CD84: variants seen among roughly 807,000 people sequenced by gnomAD.
The protein encoded by CD84 is CD84 molecule, also known as SLAM family member 5.
A neutral mutation model predicts 33.8 loss-of-function variants in CD84; 22 were observed. The observed-to-expected ratio is 0.65, with a 90% CI of 0.46 to 0.93. The LOEUF is 0.93. CD84 is among the 40% of genes least tolerant of loss of function. CD84 has a pLI of 0.00. For missense variants in CD84, 400 were observed against 397.6 expected, an observed-to-expected ratio of 1.01 and a Z score of -0.05; for synonymous variants, 154 against 145.2, an observed-to-expected ratio of 1.06 and a Z score of -0.44.
At position 160,557,104 on chromosome 1, in the gene CD84, G is replaced by A. The variant is rs376482874; in HGVS notation, c.389-2958C>T. Among the ~76,000 whole-genome samples the A allele has an allele frequency of 6.6e-5, 10 of 152,232 alleles. No homozygotes were observed. The East Asian group carries it at 7.7e-4, about 12-fold the overall frequency. ...TTTAAGGCAGGCACTATACTAGGGA[G>A]CTCAACTACCATTATCTCATTTAAT... On this transcript the variant is annotated intron_variant, in intron 2 of 6. Coordinates refer to ENST00000368054, the MANE Select transcript of CD84 (RefSeq NM_003874.4).
At chr1:160,550,652 G>A in intron 5 of CD84, 2 of 985,336 alleles carry the variant, frequency 2.0e-6, no homozygotes, top group Non-Finnish European at 1.2e-6. Context: ...CCTCTAGGGG[G>A]CGCCTTGCTC....
intron 1 of CD84, among the ~76,000 whole-genome samples, chr1:160,569,081 A>G (rs537713560): frequency 1.3e-5 from 2 of 152,314 alleles, no homozygotes; most frequent in African/African-American, 4.8e-5. Flanking sequence ...CATTCATCGT[A>G]TGTTCTTTAT....
chr1:160,577,287 T>C (rs74124877), intron 1 of CD84, among the ~76,000 whole-genome samples: 1,696 of 152,214 alleles, frequency 0.011, 43 homozygotes, highest in African/African-American at 0.038. Context: ...GTGTAAAGTG[T>C]AGACTCCTAA....
chr1:160,560,486 G>T (rs1004037781), intron 2 of CD84, among the ~76,000 whole-genome samples: 60 of 152,068 alleles, frequency 3.9e-4, no homozygotes, highest in African/African-American at 1.4e-3. Context: ...TGCAAGGCAG[G>T]CTAAAGGATT....
chr1:160,559,802 G>C (rs374843843), intron 2 of CD84, among the ~76,000 whole-genome samples: 1 of 151,782 alleles, frequency 6.6e-6, no homozygotes, highest in East Asian at 1.9e-4. Context: ...CAAGCAAATG[G>C]GAAACAGAAA....
chr1:160,557,096 A>T (rs922014104), intron 2 of CD84, among the ~76,000 whole-genome samples: 4 of 152,198 alleles, frequency 2.6e-5, no homozygotes, highest in Non-Finnish European at 5.9e-5. Context: ...CAGGCACTAT[A>T]CTAGGGAGCT....
chr1:160,553,505 T>A lies in CD84; in HGVS notation c.641-8A>T. Reference sequence around the variant, plus strand: ...GGAAGCCCATTGCGATGTCTGGAAATAGAAGATGCAGTGAGTCTTGATTCT... The same window carrying A: ...GGAAGCCCATTGCGATGTCTGGAAAAAGAAGATGCAGTGAGTCTTGATTCT... On this transcript the variant is annotated splice_polypyrimidine_tract_variant and splice_region_variant and intron_variant, in intron 3 of 6. Transcript: ENST00000368054. 6.2e-7 allele frequency: 1 copy of A among 1,613,954 alleles called. No individual in the cohort carries two copies. Among genetic ancestry groups the A allele is most frequent in the South Asian group, 1.1e-5 (1 of 91,070 alleles).
At chr1:160,557,868 G>A (rs1486239567) in intron 2 of CD84, among the ~76,000 whole-genome samples, 2 of 152,110 alleles carry the variant, frequency 1.3e-5, no homozygotes, top group Non-Finnish European at 1.5e-5. Flanking sequence ...CCCCTACAAC[G>A]CGGCACAGCT....
intron 4 of CD84, 97 bp downstream of exon 4, chr1:160,553,281 G>A (rs764160374): frequency 6.2e-6 from 10 of 1,601,746 alleles, no homozygotes; most frequent in Non-Finnish European, 8.5e-6. Flanking sequence ...AGATTCCCTG[G>A]AACAATGGGC....
intron 1 of CD84, among the ~76,000 whole-genome samples, chr1:160,572,906 A>C (rs1283885031): frequency 6.6e-6 from 1 of 152,160 alleles, no homozygotes; most frequent in Admixed American, 6.5e-5. Context: ...CAGGATGACC[A>C]GTGTTGAAAG....
At chr1:160,566,693 G>A (rs566588408) in intron 1 of CD84, among the ~76,000 whole-genome samples, 20 of 152,260 alleles carry the variant, frequency 1.3e-4, no homozygotes, top group Middle Eastern at 6.8e-3. Context: ...AGAAACAAAT[G>A]GATAGGCACA....
intron 6 of CD84, among the ~76,000 whole-genome samples, chr1:160,549,553 G>A (rs1171798286): frequency 1.3e-5 from 2 of 152,192 alleles, no homozygotes; most frequent in African/African-American, 4.8e-5. Flanking sequence ...TGGGCATCTG[G>A]CATGGGCCTG....
intron 1 of CD84, among the ~76,000 whole-genome samples, chr1:160,574,561 G>T (rs1361178757): frequency 6.6e-6 from 1 of 152,138 alleles, no homozygotes; most frequent in Non-Finnish European, 1.5e-5. Context: ...TGACATGAGG[G>T]TGCTCTCAAG....
chr1:160,579,245 A>G (rs1436498976), intron 1 of CD84, 147 bp downstream of exon 1: 5 of 980,274 alleles, frequency 5.1e-6, no homozygotes, highest in Non-Finnish European at 7.3e-6. Context: ...CTCCCCAGCC[A>G]GTTGGATCCT....
rs1656373533 is a variant in CD84 at position 160,553,409 on chromosome 1, C to A, written c.729G>T (p.Val243=). The A allele has an allele frequency of 6.2e-7, 1 of 1,614,088 alleles. No homozygotes were observed. Among genetic ancestry groups the A allele is most frequent in the Non-Finnish European group, 8.5e-7 (1 of 1,180,026 alleles). ...TTCTCTTGAACAAACGGAACAAAAA[C>A]ACTGAAGACAGAATGAGAACAAGCA... ...FFLLVLILSS[V]FLFRLFKRRQ... is the part of the protein sequence containing the mutation. The change falls in exon 4 of 7, where the codon GTG becomes GTT. Residue 243 remains valine, a synonymous_variant. Transcript: ENST00000368054.
intron 2 of CD84, among the ~76,000 whole-genome samples, chr1:160,558,729 C>T (rs1656764528): frequency 6.6e-6 from 1 of 152,020 alleles, no homozygotes; most frequent in African/African-American, 2.4e-5. Flanking sequence ...TGCAAAGAAG[C>T]TAAGAATTAT....
intron 2 of CD84, among the ~76,000 whole-genome samples, chr1:160,561,860 A>T (rs919897307): frequency 6.6e-6 from 1 of 152,196 alleles, no homozygotes; most frequent in Non-Finnish European, 1.5e-5. Flanking sequence ...ATGTTCCTAT[A>T]CACCAACAGC....
rs755795854 is a variant in CD84 at position 160,543,357 on chromosome 1, T to C, written c.*4899A>G. On this transcript the variant is annotated 3_prime_UTR_variant, in exon 7 of 7. Coordinates refer to ENST00000368054, the MANE Select transcript of CD84 (RefSeq NM_003874.4). ...GGTAAAAAAGGGCCACATGGCAGAG[T>C]ACAAGTGCATGGCCCTTGGTGACAA... 1 of 152,098 alleles carries C rather than the reference T, an allele frequency of 6.6e-6. No individual in the cohort carries two copies. Among genetic ancestry groups the C allele is most frequent in the Non-Finnish European group, 1.5e-5 (1 of 68,018 alleles). The allele number at this position is 152,098 out of a possible 1,614,324, so 9.4% of individuals were successfully genotyped here.
At chr1:160,574,067 T>C (rs1188900689) in intron 1 of CD84, among the ~76,000 whole-genome samples, 1 of 151,124 alleles carries the variant, frequency 6.6e-6, no homozygotes, top group Non-Finnish European at 1.5e-5. Context: ...CCCTCCAGCC[T>C]GGGTGACAGG....
Sources: allele counts gnomAD v4.1 joint callset (sites outside exome capture counted in the v4.1 genomes callset), GRCh38; gene constraint gnomAD v4.1.1; transcripts MANE v1.5; gene names NCBI Gene and HGNC (gene_info 2026-07-23, HGNC 2026-07-21).